The following MTMR8 variants were observed in gnomAD, a reference collection of about 807,000 sequenced individuals.
MTMR8 encodes the protein myotubularin related protein 8, also known as phosphatidylinositol-3,5-bisphosphate 3-phosphatase MTMR8.
Under a neutral mutation model 39.3 loss-of-function variants are expected in MTMR8, and 65 were observed. That is an observed-to-expected ratio of 1.65 (90% CI 1.35 to 2.03). MTMR8 has a LOEUF of 2.03. Among genes scored for constraint, MTMR8 ranks in the 30% most tolerant of loss-of-function variants. The pLI is 0.00. For synonymous variants in MTMR8, 245 were observed against 185.2 expected (o/e 1.32, Z -2.62); for missense variants, 777 against 538.9 (o/e 1.44, Z -4.37).
At chrX:64,337,017 C>A (rs957331544) in intron 9 of MTMR8, among the ~76,000 whole-genome samples, 1 of 111,502 alleles carries the variant, frequency 9.0e-6, no homozygotes, top group African/African-American at 3.3e-5. Context: ...ACTTTTTGAG[C>A]TTTTCCTACT....
intron 9 of MTMR8, among the ~76,000 whole-genome samples, chrX:64,337,014 G>A (rs1032779585): frequency 2.1e-4 from 23 of 111,408 alleles, no homozygotes; most frequent in African/African-American, 7.5e-4. Context: ...CAAACTTTTT[G>A]AGCTTTTCCT....
Position 64,376,777 on chromosome X carries a change from T to C in MTMR8, c.25-17250A>G, listed in dbSNP as rs145316033. On this transcript the variant is annotated intron_variant, in intron 1 of 13. Coordinates refer to ENST00000374852, the MANE Select transcript of MTMR8 (RefSeq NM_017677.4). The stretch of plus-strand genomic sequence containing the variant: ...TTTGCATAAGTAAGGAAGAGCCAGA[T>C]GTTAATAGCCAAAACAATGGAGAAA... 8.2e-3 allele frequency among the ~76,000 whole-genome samples: 924 copies of C among 112,402 alleles called. 4 individuals carry two copies. Among genetic ancestry groups the C allele is most frequent in the African/African-American group, 0.029 (891 of 30,944 alleles).
chrX:64,368,089 G>T (rs960160992), intron 1 of MTMR8, among the ~76,000 whole-genome samples: 4 of 111,469 alleles, frequency 3.6e-5, no homozygotes, highest in Admixed American at 9.5e-5. Flanking sequence ...ACAAACTACT[G>T]CTCAACAAAA....
chrX:64,352,050 T>A (rs1923500069), intron 4 of MTMR8, among the ~76,000 whole-genome samples: 1 of 111,822 alleles, frequency 8.9e-6, no homozygotes, highest in Non-Finnish European at 1.9e-5. Context: ...ACTTGCATTG[T>A]GCTTAAAACT....
Position 64,368,162 on chromosome X carries a change from G to T in MTMR8, c.25-8635C>A, listed in dbSNP as rs969664548. Among the ~76,000 whole-genome samples the T allele has an allele frequency of 5.9e-4, 66 of 111,390 alleles. 1 individual carries two copies. Among genetic ancestry groups the T allele is most frequent in the Non-Finnish European group, 1.3e-4 (7 of 53,037 alleles). On this transcript the variant is annotated intron_variant, in intron 1 of 13. Coordinates refer to ENST00000374852, the MANE Select transcript of MTMR8 (RefSeq NM_017677.4). ...CTCATGGGTAGGAAGAATCAATATC[G>T]TGAAAATGGCCATACTGCCCAAGGT...
At chrX:64,283,259 C>A (rs1025907681) in intron 12 of MTMR8, among the ~76,000 whole-genome samples, 6 of 111,872 alleles carry the variant, frequency 5.4e-5, no homozygotes, top group Admixed American at 2.8e-4. Context: ...AACTGCAAGG[C>A]AGCAGTGAGG....
intron 12 of MTMR8, among the ~76,000 whole-genome samples, chrX:64,284,026 C>G (rs2095623): frequency 0.24 from 26,727 of 111,286 alleles, 7,585 homozygotes; most frequent in African/African-American, 0.82. Context: ...AAACTACTAC[C>G]AGCTAAAGGA....
chrX:64,377,219 A>G (rs1373952887), intron 1 of MTMR8, among the ~76,000 whole-genome samples: 1 of 112,111 alleles, frequency 8.9e-6, no homozygotes, highest in African/African-American at 3.2e-5. Flanking sequence ...GAGCCCTCAC[A>G]AAGAGTTTCC....
At chrX:64,331,373 G>T in intron 11 of MTMR8, 184 bp downstream of exon 11, 2 of 441,875 alleles carry the variant, frequency 4.5e-6, no homozygotes, top group South Asian at 7.1e-5. Context: ...TTACAGATGA[G>T]ATATCTTAGG....
chrX:64,390,793 C>T (rs1924672600), intron 1 of MTMR8, among the ~76,000 whole-genome samples: 1 of 110,265 alleles, frequency 9.1e-6, no homozygotes, highest in South Asian at 4.0e-4. Context: ...GTAGCTGAGA[C>T]CACAGGTGCA....
chrX:64,287,501 T>C (rs1921228793), intron 12 of MTMR8, among the ~76,000 whole-genome samples: 1 of 111,207 alleles, frequency 9.0e-6, no homozygotes, highest in South Asian at 3.8e-4. Context: ...AGAGCCCGCA[T>C]TGCCAAGTCA....
At chrX:64,272,239 T>C (rs1319553749) in intron 12 of MTMR8, among the ~76,000 whole-genome samples, 1 of 111,415 alleles carries the variant, frequency 9.0e-6, no homozygotes, top group Non-Finnish European at 1.9e-5. Context: ...ATATATGAAT[T>C]ACCCGACATA....
intron 12 of MTMR8, among the ~76,000 whole-genome samples, chrX:64,275,648 CAAAAAAAAAA>C (rs60193863): frequency 2.5e-5 from 1 of 40,693 alleles, no homozygotes; most frequent in Non-Finnish European, 5.4e-5. Context: ...GAGTCTCTCT[CAAAAAAAAAA>C]AAAAAAAAAG....
Position 64,359,586 on chromosome X carries a change from G to A in MTMR8, c.25-59C>T, listed in dbSNP as rs185588034. 402 of 1,096,127 alleles carry A rather than the reference G, an allele frequency of 3.7e-4. 1 individual carries two copies. Among genetic ancestry groups the A allele is most frequent in the East Asian group, 1.5e-3 (47 of 32,084 alleles). The allele number at this position is 1,096,127 out of a possible 1,213,427, so 90.3% of individuals were successfully genotyped here. Reference sequence around the variant, plus strand: ...CCAACTCACCACCTATGATTGAAGTGGGGCCATTCAAAGCAAGATAAACGC... The same window carrying A: ...CCAACTCACCACCTATGATTGAAGTAGGGCCATTCAAAGCAAGATAAACGC... On this transcript the variant is annotated intron_variant, in intron 1 of 13. Coordinates refer to ENST00000374852, the MANE Select transcript of MTMR8 (RefSeq NM_017677.4).
rs977459565 is a variant in MTMR8, at chrX:64,376,319, G to A, written c.25-16792C>T. On this transcript the variant is annotated intron_variant, in intron 1 of 13. Coordinates refer to ENST00000374852, the MANE Select transcript of MTMR8 (RefSeq NM_017677.4). ...AAGAAGACAGGAAGATAAAAGTTTG[G>A]AACTTCCTAGAGTTGTTGAATGGTC... Among the ~76,000 whole-genome samples the A allele has an allele frequency of 4.5e-5, 5 of 112,106 alleles. No homozygotes were observed. The Admixed American group carries it at 4.7e-4, about 11-fold the overall frequency.
chrX:64,278,375 C>T (rs2147128682), intron 12 of MTMR8, among the ~76,000 whole-genome samples: 1 of 105,931 alleles, frequency 9.4e-6, no homozygotes. Flanking sequence ...ATTTATCTAC[C>T]TTTGGTCTTT....
intron 1 of MTMR8, among the ~76,000 whole-genome samples, chrX:64,390,336 A>C (rs1367972614): frequency 1.8e-5 from 2 of 112,210 alleles, no homozygotes; most frequent in African/African-American, 6.5e-5. Context: ...CATACTACAA[A>C]GTGTTATTAT....
rs191759276 is a variant in MTMR8 at position 64,278,609 on chromosome X, G to A, written c.1482-7536C>T. Among the ~76,000 whole-genome samples the A allele has an allele frequency of 1.1e-3, 115 of 107,036 alleles. 1 individual carries two copies. The highest frequency in any genetic ancestry group is 3.7e-3 in the African/African-American group (108 of 29,326). The allele number at this position is 107,036 out of a possible 115,157, so 92.9% of individuals were successfully genotyped here. A position where few individuals can be genotyped will look rare whatever the true frequency, so the allele number is the denominator to read the frequency against. Reference sequence around the variant, plus strand: ...CTGCCTCAGCCTCCTGAGGAGCTGGGACTACAGGTGGGCGCCACCATGCTC... The same window carrying A: ...CTGCCTCAGCCTCCTGAGGAGCTGGAACTACAGGTGGGCGCCACCATGCTC... On this transcript the variant is annotated intron_variant, in intron 12 of 13. Transcript: ENST00000374852.
intron 12 of MTMR8, among the ~76,000 whole-genome samples, chrX:64,316,070 T>C (rs1922457400): frequency 8.9e-6 from 1 of 111,862 alleles, no homozygotes; most frequent in African/African-American, 3.3e-5. Context: ...CTTAAACATT[T>C]CCTCTCTATA....
Sources: allele counts gnomAD v4.1 joint callset (sites outside exome capture counted in the v4.1 genomes callset), GRCh38; gene constraint gnomAD v4.1.1; transcripts MANE v1.5; gene names NCBI Gene and HGNC (gene_info 2026-07-23, HGNC 2026-07-21).